The following CTNNA3 variants were observed in gnomAD, a reference collection of about 807,000 sequenced individuals.
The protein encoded by CTNNA3 is catenin alpha 3, also known as catenin alpha-3.
A neutral mutation model predicts 95.7 loss-of-function variants in CTNNA3; 76 were observed. The ratio of observed to expected loss-of-function variants is 0.79; its 90% CI spans 0.66 to 0.96. CTNNA3 has a LOEUF of 0.96. CTNNA3 is among the 40% of genes least tolerant of loss of function. The pLI is 0.00. For synonymous variants in CTNNA3, 431 were observed against 374.4 expected, an observed-to-expected ratio of 1.15 and a Z score of -1.74; for missense variants, 1,191 against 1,089.8, an observed-to-expected ratio of 1.09 and a Z score of -1.31.
intron 1 of CTNNA3, among the ~76,000 whole-genome samples, chr10:67,652,678 A>G (rs891177612): frequency 6.6e-6 from 1 of 151,930 alleles, no homozygotes; most frequent in Non-Finnish European, 1.5e-5. Flanking sequence ...GAACATATGG[A>G]TTTATATATT....
intron 5 of CTNNA3, among the ~76,000 whole-genome samples, chr10:67,257,736 C>A (rs566804798): frequency 4.0e-5 from 6 of 151,594 alleles, no homozygotes; most frequent in Non-Finnish European, 5.9e-5. Context: ...ATAAGAAAAA[C>A]CAAATTTTTT....
intron 2 of CTNNA3, among the ~76,000 whole-genome samples, chr10:67,639,509 G>T (rs369680858): frequency 6.6e-6 from 1 of 152,112 alleles, no homozygotes; most frequent in Non-Finnish European, 1.5e-5. Context: ...CATTTTATGA[G>T]GCCAGCATCA....
chr10:66,209,126 G>C (rs757849757), intron 13 of CTNNA3, among the ~76,000 whole-genome samples: 56 of 152,096 alleles, frequency 3.7e-4, no homozygotes, highest in Admixed American at 8.5e-4. Flanking sequence ...AGAAGCTCTG[G>C]ATATATCAAT....
At chr10:66,747,094 A>G (rs1430216357) in intron 9 of CTNNA3, among the ~76,000 whole-genome samples, 4 of 152,246 alleles carry the variant, frequency 2.6e-5, no homozygotes, top group Non-Finnish European at 4.4e-5. Flanking sequence ...ATACAAAGGC[A>G]TAATAGCCAA....
intron 3 of CTNNA3, among the ~76,000 whole-genome samples, chr10:67,563,631 A>C (rs1841628359): frequency 1.3e-5 from 2 of 152,204 alleles, no homozygotes; most frequent in African/African-American, 4.8e-5. Flanking sequence ...CAAAAGCCTA[A>C]ATTGACAAAT....
At chr10:66,312,467 T>C (rs2092034058) in intron 12 of CTNNA3, among the ~76,000 whole-genome samples, 1 of 151,978 alleles carries the variant, frequency 6.6e-6, no homozygotes. Flanking sequence ...TGTGTATAAA[T>C]ACATTGAGGG....
intron 1 of CTNNA3, among the ~76,000 whole-genome samples, chr10:67,683,691 GA>G (rs1400857710): frequency 6.6e-6 from 1 of 152,212 alleles, no homozygotes; most frequent in African/African-American, 2.4e-5. Flanking sequence ...CTGACTTCAA[GA>G]ACGAAGCCAC....
chr10:67,086,943 C>A (rs941371205), intron 7 of CTNNA3, among the ~76,000 whole-genome samples: 1 of 151,656 alleles, frequency 6.6e-6, no homozygotes, highest in Non-Finnish European at 1.5e-5. Context: ...CTACAATTTC[C>A]AAGGGGATTA....
chr10:66,746,753 G>A (rs1278013653), intron 9 of CTNNA3, among the ~76,000 whole-genome samples: 1 of 152,140 alleles, frequency 6.6e-6, no homozygotes, highest in Non-Finnish European at 1.5e-5. Context: ...CTCCCCATAA[G>A]TATCAAATTT....
chr10:66,429,559 C>T (rs2093275962), intron 11 of CTNNA3, among the ~76,000 whole-genome samples: 1 of 152,190 alleles, frequency 6.6e-6, no homozygotes, highest in Admixed American at 6.5e-5. Context: ...CCACCACGAT[C>T]AAGTTGGCTT....
In CTNNA3 at chr10:67,291,578, A is replaced by C. The variant is rs551270447; in HGVS notation, c.580-71708T>G. On this transcript the variant is annotated intron_variant, in intron 5 of 17. Coordinates refer to ENST00000433211, the MANE Select transcript of CTNNA3 (RefSeq NM_013266.4). ...CTCATGTACATCTACCATTGTGAGC[A>C]CCCAAATAGTTTGTTATCTCCTCAC... 1.2e-4 allele frequency among the ~76,000 whole-genome samples: 18 copies of C among 152,290 alleles called. No homozygotes were observed. The East Asian group carries it at 3.3e-3, about 28-fold the overall frequency.
At chr10:67,272,825 G>A (rs1375867193) in intron 5 of CTNNA3, among the ~76,000 whole-genome samples, 2 of 152,186 alleles carry the variant, frequency 1.3e-5, no homozygotes, top group Middle Eastern at 3.4e-3. Flanking sequence ...CCATGTAGGT[G>A]CATGACTATC....
At chr10:66,002,812 T>C (rs1000109095) in intron 15 of CTNNA3, among the ~76,000 whole-genome samples, 1 of 152,186 alleles carries the variant, frequency 6.6e-6, no homozygotes, top group African/African-American at 2.4e-5. Context: ...AGAAATGAGA[T>C]ACAAAGGCTC....
intron 12 of CTNNA3, among the ~76,000 whole-genome samples, chr10:66,374,490 T>C (rs1201579884): frequency 6.6e-6 from 1 of 152,156 alleles, no homozygotes; most frequent in East Asian, 1.9e-4. Flanking sequence ...GTTTTGATTT[T>C]TTTTTCTTTT....
chr10:66,515,046 T>A (rs930446812), intron 11 of CTNNA3, among the ~76,000 whole-genome samples: 5 of 152,136 alleles, frequency 3.3e-5, no homozygotes, highest in African/African-American at 1.2e-4. Flanking sequence ...CATTGAATCA[T>A]ACTAAAACAT....
At chr10:67,510,243 G>T (rs9702638) in intron 5 of CTNNA3, among the ~76,000 whole-genome samples, 60,376 of 151,954 alleles carry the variant, frequency 0.4, 15,322 homozygotes, top group African/African-American at 0.69. Flanking sequence ...TTGGGTGTTT[G>T]GGTAATGAAG....
chr10:67,179,561 G>A lies in CTNNA3; in HGVS notation c.1047+756C>T, dbSNP rs1051382354. Among the ~76,000 whole-genome samples, 13 of 150,620 alleles carry A rather than the reference G, an allele frequency of 8.6e-5. 1 individual carries two copies. Among genetic ancestry groups the A allele is most frequent in the African/African-American group, 1.5e-4 (6 of 40,912 alleles). The stretch of plus-strand genomic sequence containing the variant: ...AAAGATTAAGAGCTGCCAAAACTAC[G>A]TGGGTGCCTGTAATCCCAGCACTTT... On this transcript the variant is annotated intron_variant, in intron 7 of 17. Coordinates refer to ENST00000433211, the MANE Select transcript of CTNNA3 (RefSeq NM_013266.4).
chr10:66,385,526 G>A (rs911061575), intron 11 of CTNNA3, among the ~76,000 whole-genome samples: 3 of 152,222 alleles, frequency 2.0e-5, no homozygotes, highest in African/African-American at 2.4e-5. Context: ...AGAGGAGCTG[G>A]TACCATTCCT....
intron 12 of CTNNA3, among the ~76,000 whole-genome samples, chr10:66,295,321 A>T (rs1192980983): frequency 6.6e-6 from 1 of 152,224 alleles, no homozygotes; most frequent in Non-Finnish European, 1.5e-5. Flanking sequence ...TAGGTTAAGA[A>T]ATGCATAATC....
Sources: gnomAD v4.1 joint callset for allele counts (sites outside exome capture counted in the v4.1 genomes callset) on GRCh38, gnomAD v4.1.1 for gene constraint, MANE v1.5 for transcripts, NCBI Gene and HGNC (gene_info 2026-07-23, HGNC 2026-07-21) for gene names.